The following YKT6 variants were observed in gnomAD, a reference collection of about 807,000 sequenced individuals.
YKT6 encodes the protein YKT6 vesicular SNARE protein, also known as synaptobrevin homolog YKT6.
Under a neutral mutation model 29.3 loss-of-function variants are expected in YKT6, and 12 were observed. The ratio of observed to expected loss-of-function variants is 0.41; its 90% CI spans 0.26 to 0.66. The LOEUF is 0.66. Among genes scored for constraint, YKT6 ranks in the 30% least tolerant of loss-of-function variants. YKT6 has a pLI of 0.32. For missense variants in YKT6, 188 were observed against 243.8 expected, an observed-to-expected ratio of 0.77 and a Z score of 1.52; for synonymous variants, 86 against 94.3, an observed-to-expected ratio of 0.91 and a Z score of 0.51.
At chr7:44,206,279 G>A (rs755421095) in intron 2 of YKT6, 106 bp from the exon 3 acceptor site, 47 of 1,130,028 alleles carry the variant, frequency 4.2e-5, no homozygotes, top group Middle Eastern at 4.8e-4. Context: ...TTGAGCTTCC[G>A]AGTGGCTTCA....
chr7:44,206,613 T>C, intron 3 of YKT6, 128 bp downstream of exon 3: 1 of 858,468 alleles, frequency 1.2e-6, no homozygotes, highest in Non-Finnish European at 1.9e-6. Context: ...AACACATTTT[T>C]CAGCCCCCTT....
intron 1 of YKT6, among the ~76,000 whole-genome samples, chr7:44,204,331 A>C (rs1438466110): frequency 6.6e-6 from 1 of 152,222 alleles, no homozygotes; most frequent in South Asian, 2.1e-4. Flanking sequence ...AACCCCCCAG[A>C]AAATTCACCT....
chr7:44,204,731 T>C (rs1220727970), intron 2 of YKT6, 81 bp downstream of exon 2: 1 of 1,352,394 alleles, frequency 7.4e-7, no homozygotes, highest in Non-Finnish European at 1.1e-6. Context: ...CTTTCTCCTT[T>C]CTACTGGGAC....
At chr7:44,210,961 T>C in intron 5 of YKT6, 62 bp from the exon 6 acceptor site, 8 of 1,568,176 alleles carry the variant, frequency 5.1e-6, no homozygotes, top group Non-Finnish European at 7.0e-6. Flanking sequence ...GACTGAAATA[T>C]GAGGGGCTCA....
intron 5 of YKT6, among the ~76,000 whole-genome samples, chr7:44,210,029 C>T (rs1299021064): frequency 2.0e-5 from 3 of 152,096 alleles, no homozygotes; most frequent in Admixed American, 2.0e-4. Flanking sequence ...TTACTTAACG[C>T]AGTATATCCA....
Position 44,207,435 on chromosome 7 carries a change from A to G in YKT6, c.336A>G (p.Val112=), listed in dbSNP as rs1364575361. ...SKQVDRIDWP[V]GSPATIHYPA... ...AAGTCGACAGGATAGACTGGCCAGTAGGATCCCCTGCTACAATCCATTACC... is the reference window on the plus strand; with the variant it reads ...AAGTCGACAGGATAGACTGGCCAGTGGGATCCCCTGCTACAATCCATTACC... Residue 112 remains valine (V), a synonymous_variant, in exon 4 of 7, where the codon GTA becomes GTG. Transcript: ENST00000223369. 2 of 1,614,154 alleles carry G rather than the reference A, an allele frequency of 1.2e-6. No individual in the cohort carries two copies. Among genetic ancestry groups the G allele is most frequent in the Middle Eastern group, 1.6e-4 (1 of 6,062 alleles).
chr7:44,202,499 C>A (rs956244988), intron 1 of YKT6, among the ~76,000 whole-genome samples: 1 of 152,180 alleles, frequency 6.6e-6, no homozygotes, highest in Non-Finnish European at 1.5e-5. Flanking sequence ...ACTTTTCTGG[C>A]GACCTTAGAT....
chr7:44,206,998 A>G (rs187590619), intron 3 of YKT6, among the ~76,000 whole-genome samples: 205 of 152,324 alleles, frequency 1.3e-3, no homozygotes, highest in African/African-American at 4.7e-3. Flanking sequence ...CTCCAAACAC[A>G]TGGAATCTGG....
Position 44,201,192 on chromosome 7 carries a change from C to T in YKT6, c.57C>T (p.Leu19=), listed in dbSNP as rs748641136. 4 of 1,612,904 alleles carry T rather than the reference C, an allele frequency of 2.5e-6. No individual in the cohort carries two copies. The South Asian group carries it at 3.3e-5, about 13-fold the overall frequency. ...AAGGCGAGGCCAAGGTGGTGCTGCT[C>T]AAAGCCGCATACGATGTGTCTTCCT... ...LYKGEAKVVL[L]KAAYDVSSFS... Residue 19 remains leucine (L), a synonymous_variant, in exon 1 of 7, where the codon CTC becomes CTT. Transcript: ENST00000223369.
At chr7:44,210,886 C>G in intron 5 of YKT6, 137 bp from the exon 6 acceptor site, 1 of 791,940 alleles carries the variant, frequency 1.3e-6, no homozygotes. Flanking sequence ...TGGACCGAGT[C>G]TCGACACCTA....
Position 44,207,290 on chromosome 7 carries a change from G to A in YKT6, c.289-98G>A, listed in dbSNP as rs997608434. The A allele has an allele frequency of 1.7e-5, 16 of 945,294 alleles. No homozygotes were observed. The East Asian group carries it at 4.1e-4, about 24-fold the overall frequency. The allele number at this position is 945,294 out of a possible 1,614,324, so 58.6% of individuals were successfully genotyped here. A position where few individuals can be genotyped will look rare whatever the true frequency, so the allele number is the denominator to read the frequency against. ...CTTCCTGGGCTGTGAAGGCCAAGGA[G>A]CCTCATTCAGGGTGAGGTGCTCAGG... is the stretch of plus-strand genomic sequence containing the variant. On this transcript the variant is annotated intron_variant, in intron 3 of 6. Coordinates refer to ENST00000223369, the MANE Select transcript of YKT6 (RefSeq NM_006555.4).
chr7:44,202,233 T>G (rs2096336555), intron 1 of YKT6, among the ~76,000 whole-genome samples: 1 of 152,214 alleles, frequency 6.6e-6, no homozygotes, highest in Non-Finnish European at 1.5e-5. Flanking sequence ...AAAATGTTAT[T>G]TTGTTGAAAC....
chr7:44,202,246 T>C (rs981593280), intron 1 of YKT6, among the ~76,000 whole-genome samples: 6 of 152,242 alleles, frequency 3.9e-5, no homozygotes, highest in African/African-American at 1.4e-4. Flanking sequence ...GTTGAAACTT[T>C]CTGCTTCTTT....
At chr7:44,208,629 G>A in intron 5 of YKT6, 1 of 160,150 alleles carries the variant, frequency 6.2e-6, no homozygotes, top group Non-Finnish European at 1.4e-5. Flanking sequence ...TGACCACAGG[G>A]CAGCTTCTGG....
At chr7:44,212,116 C>T (rs1357813149) in intron 6 of YKT6, 131 bp from the exon 7 acceptor site, 1 of 1,091,916 alleles carries the variant, frequency 9.2e-7, no homozygotes, top group East Asian at 2.4e-5. Flanking sequence ...GCCTCCACCC[C>T]CACCCTGTTC....
intron 6 of YKT6, among the ~76,000 whole-genome samples, chr7:44,212,005 G>A (rs929599274): frequency 2.0e-5 from 3 of 152,216 alleles, no homozygotes; most frequent in Non-Finnish European, 4.4e-5. Flanking sequence ...CATTAATGGG[G>A]TGTGAGAAAA....
Position 44,212,124 on chromosome 7 carries a change from T to TTC in YKT6, c.562-121_562-120dup, listed in dbSNP as rs1427116607. On this transcript the variant is annotated intron_variant, in intron 6 of 6. Coordinates refer to ENST00000223369, the MANE Select transcript of YKT6 (RefSeq NM_006555.4). ...CCTCAAGGCCTCCACCCCCACCCTG[T>TTC]TCTAGTGCTAGTTTCTCTGCCTGGC... 1.0e-5 allele frequency: 12 copies of TTC among 1,180,604 alleles called. No homozygotes were observed. In the Admixed American group the frequency reaches 1.0e-4, roughly 10 times the overall value. 73.1% of individuals were successfully genotyped at this position (1,180,604 alleles called of 1,614,324 possible).
chr7:44,204,029 T>C (rs894130530), intron 1 of YKT6, among the ~76,000 whole-genome samples: 2 of 152,196 alleles, frequency 1.3e-5, no homozygotes, highest in African/African-American at 4.8e-5. Context: ...TTCCTTTTGT[T>C]CCATCCAGAG....
At chr7:44,208,386 A>G (rs1173754108) in intron 5 of YKT6, 188 bp downstream of exon 5, 8 of 578,722 alleles carry the variant, frequency 1.4e-5, no homozygotes, top group Non-Finnish European at 2.4e-5. Context: ...TCTCTTGGTT[A>G]ATGGCACCCA....
Sources: gnomAD v4.1 joint callset for allele counts (sites outside exome capture counted in the v4.1 genomes callset) on GRCh38, gnomAD v4.1.1 for gene constraint, MANE v1.5 for transcripts, NCBI Gene and HGNC (gene_info 2026-07-23, HGNC 2026-07-21) for gene names.